The following ZMIZ1 variants were observed in gnomAD, a reference collection of about 807,000 sequenced individuals.
The protein encoded by ZMIZ1 is zinc finger MIZ domain-containing protein 1.
A neutral mutation model predicts 113.9 loss-of-function variants in ZMIZ1; 17 were observed. The ratio of observed to expected loss-of-function variants is 0.15; its 90% CI spans 0.10 to 0.22. The LOEUF (loss-of-function observed/expected upper bound fraction) is 0.22. Ranked by LOEUF, ZMIZ1 falls within the 10% of genes least tolerant of loss-of-function variation. ZMIZ1 has a pLI of 1.00. For synonymous variants in ZMIZ1, 607 were observed against 603.1 expected, an observed-to-expected ratio of 1.01 and a Z score of -0.09; for missense variants, 1,059 against 1,477.8, an observed-to-expected ratio of 0.72 and a Z score of 4.65.
intron 1 of ZMIZ1, among the ~76,000 whole-genome samples, chr10:79,103,237 A>T (rs886373420): frequency 7.9e-5 from 12 of 151,716 alleles, no homozygotes; most frequent in Non-Finnish European, 1.6e-4. Flanking sequence ...ACATGGGGAA[A>T]CCGTGAGGGG....
chr10:79,105,240 A>G (rs931653027), intron 1 of ZMIZ1, among the ~76,000 whole-genome samples: 2 of 152,230 alleles, frequency 1.3e-5, no homozygotes, highest in African/African-American at 4.8e-5. Flanking sequence ...CGCAGGTCAC[A>G]GCGACTCTGC....
At chr10:79,231,378 GCTGGGGTTGCAGGCAAC>G (rs1849387723) in intron 7 of ZMIZ1, among the ~76,000 whole-genome samples, 2 of 152,118 alleles carry the variant, frequency 1.3e-5, no homozygotes, top group Admixed American at 6.5e-5. Context: ...CTCCCCAACA[GCTGGGGTTGCAGGCAAC>G]CACCACCATG....
chr10:79,128,124 T>C (rs898963398), intron 2 of ZMIZ1, among the ~76,000 whole-genome samples: 1 of 152,108 alleles, frequency 6.6e-6, no homozygotes, highest in Admixed American at 6.5e-5. Context: ...AGCAGGGTGA[T>C]GGTCTTCTGC....
At chr10:79,103,853 A>G (rs7083272) in intron 1 of ZMIZ1, among the ~76,000 whole-genome samples, 100,892 of 152,094 alleles carry the variant, frequency 0.66, 33,466 homozygotes, top group African/African-American at 0.71. Context: ...ACGTAGGTGG[A>G]GGTGCAGAGT....
chr10:79,099,794 T>C (rs1409054369), intron 1 of ZMIZ1, among the ~76,000 whole-genome samples: 1 of 152,006 alleles, frequency 6.6e-6, no homozygotes, highest in African/African-American at 2.4e-5. Flanking sequence ...GGGGGCTGGG[T>C]GAAGCATTGA....
intron 7 of ZMIZ1, among the ~76,000 whole-genome samples, chr10:79,272,114 T>C (rs186412932): frequency 1.3e-5 from 2 of 151,910 alleles, no homozygotes; most frequent in East Asian, 3.9e-4. Context: ...ACCAAAAATA[T>C]ATATATATAC....
Position 79,216,208 on chromosome 10 carries a change from G to A in ZMIZ1, c.214G>A (p.Asp72Asn). ...GGCAGCCCAGCAAGGCTTTGACCTG[G>A]ACCTCGGCTACAGACTGCTGGCTGT... ...RVAAQQGFDL[D>N]LGYRLLAVCA... The change falls in exon 7 of 25, where the codon GAC (aspartate) becomes AAC (asparagine). Residue 72 changes from aspartate to asparagine, a missense_variant. Around this residue, in one of 6 missense-constraint regions of ZMIZ1, gnomAD observed 272 missense variants for 350.4 expected, o/e 0.78. Transcript: ENST00000334512. The A allele has an allele frequency of 1.3e-6, 2 of 1,565,120 alleles. No individual in the cohort carries two copies.
intron 7 of ZMIZ1, among the ~76,000 whole-genome samples, chr10:79,225,411 G>A (rs947511027): frequency 4.6e-5 from 7 of 152,130 alleles, no homozygotes; most frequent in Admixed American, 3.3e-4. Flanking sequence ...ATGATGGAGG[G>A]TGAGCCAGTT....
chr10:79,144,859 G>T (rs2132428339), intron 3 of ZMIZ1, among the ~76,000 whole-genome samples: 1 of 152,000 alleles, frequency 6.6e-6, no homozygotes, highest in South Asian at 2.1e-4. Flanking sequence ...GGGCGGGCTT[G>T]CTTTCCGTCT....
chr10:79,171,426 G>A (rs1846594894), intron 4 of ZMIZ1, among the ~76,000 whole-genome samples: 1 of 152,214 alleles, frequency 6.6e-6, no homozygotes, highest in Admixed American at 6.5e-5. Flanking sequence ...TTCACATGTG[G>A]TGCCTGGTAC....
chr10:79,233,669 C>T (rs1419190974), intron 7 of ZMIZ1, among the ~76,000 whole-genome samples: 2 of 152,182 alleles, frequency 1.3e-5, no homozygotes, highest in Non-Finnish European at 2.9e-5. Flanking sequence ...TTTTTTTCCC[C>T]TCCTGGAGAG....
intron 8 of ZMIZ1, among the ~76,000 whole-genome samples, chr10:79,278,451 A>G (rs931331876): frequency 6.8e-6 from 1 of 147,110 alleles, no homozygotes; most frequent in Non-Finnish European, 1.5e-5. Flanking sequence ...AATTTTTTTT[A>G]GTATTTATTG....
chr10:79,298,259 C>T (rs987665763), intron 14 of ZMIZ1, 147 bp from the exon 15 acceptor site: 9 of 916,088 alleles, frequency 9.8e-6, no homozygotes, highest in East Asian at 5.5e-5. Flanking sequence ...CAGAGATCTG[C>T]GAGAGAGAAG....
At chr10:79,212,838 T>A (rs138609335) in intron 6 of ZMIZ1, among the ~76,000 whole-genome samples, 13 of 152,008 alleles carry the variant, frequency 8.6e-5, no homozygotes, top group African/African-American at 2.4e-4. Flanking sequence ...CTCTTGGGTG[T>A]AAGCTATCCT....
chr10:79,208,271 C>G, intron 5 of ZMIZ1, 65 bp from the exon 6 acceptor site: 1 of 1,449,184 alleles, frequency 6.9e-7, no homozygotes, highest in East Asian at 2.3e-5. Flanking sequence ...ACCCCAGACC[C>G]CCACACGCTG....
intron 1 of ZMIZ1, among the ~76,000 whole-genome samples, chr10:79,115,179 C>T (rs1843968359): frequency 6.6e-6 from 1 of 152,186 alleles, no homozygotes; most frequent in Non-Finnish European, 1.5e-5. Context: ...ATGAGGTACT[C>T]ACCACCTCCC....
At chr10:79,207,463 C>T (rs942796) in intron 5 of ZMIZ1, among the ~76,000 whole-genome samples, 62,858 of 152,076 alleles carry the variant, frequency 0.41, 13,062 homozygotes, top group Middle Eastern at 0.49. Flanking sequence ...CCTGAGGAGA[C>T]GGATAAGAGT....
intron 1 of ZMIZ1, among the ~76,000 whole-genome samples, chr10:79,072,664 C>A (rs914169036): frequency 6.6e-6 from 1 of 152,214 alleles, no homozygotes; most frequent in Admixed American, 6.5e-5. Flanking sequence ...GGTCGTGGGA[C>A]CAGGAAGCAG....
rs770316858 is a variant in ZMIZ1 at position 79,310,980 on chromosome 10, C to G, written c.2892C>G (p.His964Gln). The change falls in exon 24 of 25, where the codon CAC (histidine) becomes CAG (glutamine). Residue 964 changes from histidine (H) to glutamine (Q), a missense_variant. His to Gln is a conservative substitution (Grantham distance 24). Coordinates refer to ENST00000334512, the MANE Select transcript of ZMIZ1 (RefSeq NM_020338.4). Reference protein sequence around the residue: ...QPHPSIQQGLHVPHPSSQSGP... With the variant: ...QPHPSIQQGLQVPHPSSQSGP... ...ACCCCTCCATACAACAAGGTTTGCA[C>G]GTACCACACCCCAGCAGCCAGTCAG... 4 of 1,613,926 alleles carry G rather than the reference C, an allele frequency of 2.5e-6. No homozygotes were observed. Among genetic ancestry groups the G allele is most frequent in the Non-Finnish European group, 3.4e-6 (4 of 1,180,018 alleles).
Sources: allele counts gnomAD v4.1 joint callset (sites outside exome capture counted in the v4.1 genomes callset), GRCh38; gene constraint gnomAD v4.1.1; regional missense constraint gnomAD v4.1.1; transcripts MANE v1.5; gene names NCBI Gene and HGNC (gene_info 2026-07-23, HGNC 2026-07-21).